The following RYR1 variants were observed in gnomAD, a reference collection of about 807,000 sequenced individuals.
The protein encoded by RYR1 is central core disease of muscle.
Under a neutral mutation model 583.5 loss-of-function variants are expected in RYR1, and 342 were observed. The observed-to-expected ratio is 0.59, with a 90% confidence interval of 0.54 to 0.64. The LOEUF (loss-of-function observed/expected upper bound fraction) is 0.64, where lower values mean the gene tolerates loss of function less well. RYR1 is among the 30% of genes least tolerant of loss of function. The probability of loss-of-function intolerance (pLI) is 0.00; values close to 1 mark genes in which losing one functional copy is unlikely to be tolerated. For synonymous variants in RYR1, 2,791 were observed against 2,822.5 expected (o/e 0.99, Z 0.35); for missense variants, 6,032 against 6,917.2 (o/e 0.87, Z 4.54).
intron 49 of RYR1, among the ~76,000 whole-genome samples, 195 bp from the exon 50 acceptor site, chr19:38,504,025 T>C (rs548236442): frequency 6.6e-6 from 1 of 152,330 alleles, no homozygotes; most frequent in East Asian, 1.9e-4. Context: ...GAATGCTAAA[T>C]TTGCATACTA....
chr19:38,570,580 T>G (rs1330531541), intron 93 of RYR1, 27 bp from the exon 94 acceptor site: 3 of 1,579,590 alleles, frequency 1.9e-6, no homozygotes, highest in Non-Finnish European at 2.6e-6. Flanking sequence ...CTGTGAGCGC[T>G]TTCTCTCTTT....
rs781376720 is a variant in RYR1, at chr19:38,512,153, GCCCACTCCCACCATCATCGGGCC to G, written c.9233+27_9233+49del. The G allele has an allele frequency of 9.2e-5, 148 of 1,614,042 alleles. No homozygotes were observed. In the East Asian group the frequency reaches 1.1e-3, roughly 12 times the overall value. ...GCCAGGTAGGGCCATAGGCAGTGGCGCCCACTCCCACCATCATCGGGCCCCCACCCCAACCCCTGGTCTCCTAG... is the reference window on the plus strand; with the variant it reads ...GCCAGGTAGGGCCATAGGCAGTGGCGCCCACCCCAACCCCTGGTCTCCTAG... On this transcript the variant is annotated intron_variant, in intron 62 of 105. Transcript: ENST00000359596. This position sits in a 1 kb window ranked among gnomAD's most constrained non-coding sequence, Gnocchi z 5.1.
intron 97 of RYR1, among the ~76,000 whole-genome samples, chr19:38,577,310 T>C (rs985592065): frequency 1.3e-5 from 2 of 152,160 alleles, no homozygotes; most frequent in African/African-American, 4.8e-5. Flanking sequence ...ATCTGGCATA[T>C]AGGAGAACAC....
intron 1 of RYR1, among the ~76,000 whole-genome samples, chr19:38,434,372 CT>C (rs1398971215): frequency 1.3e-5 from 2 of 152,070 alleles, no homozygotes; most frequent in Admixed American, 1.3e-4. Context: ...GGAGGGATCT[CT>C]TGGGTTCTGG....
At chr19:38,446,111 C>T (rs1029780095) in intron 7 of RYR1, among the ~76,000 whole-genome samples, 3 of 152,168 alleles carry the variant, frequency 2.0e-5, no homozygotes, top group African/African-American at 7.2e-5. Flanking sequence ...CCCTAGAACT[C>T]AGACTCCAAC....
At chr19:38,506,700 A>G (rs1221178022) in intron 56 of RYR1, 129 bp from the exon 57 acceptor site, 17 of 1,509,170 alleles carry the variant, frequency 1.1e-5, no homozygotes, top group Non-Finnish European at 1.5e-5. Context: ...AGCACCAGCA[A>G]GCAATGTTTC....
intron 99 of RYR1, 85 bp downstream of exon 99, chr19:38,578,289 A>G: frequency 7.1e-7 from 1 of 1,399,490 alleles, no homozygotes; most frequent in Non-Finnish European, 9.9e-7. Flanking sequence ...TCCTGACCAA[A>G]GAATGACTCC....
intron 1 of RYR1, among the ~76,000 whole-genome samples, chr19:38,436,555 C>A (rs993252453): frequency 2.6e-5 from 4 of 152,128 alleles, no homozygotes; most frequent in Non-Finnish European, 1.5e-5. Flanking sequence ...ATCCATGTAG[C>A]ATGTATTGAG....
chr19:38,504,444 T>A, intron 50 of RYR1, 84 bp downstream of exon 50: 1 of 1,539,380 alleles, frequency 6.5e-7, no homozygotes, highest in Non-Finnish European at 8.8e-7. Context: ...ATCCCTCAAT[T>A]TTGGGGGGTT....
At chr19:38,574,151 T>G (rs532885680) in intron 96 of RYR1, among the ~76,000 whole-genome samples, 327 of 151,168 alleles carry the variant, frequency 2.2e-3, no homozygotes, top group Non-Finnish European at 3.9e-3. Context: ...TCCTAGCTAC[T>G]CCGGAGGCTG....
rs1035769185 is a variant in RYR1 at position 38,444,917 on chromosome 19, C to T, written c.631+240C>T. ...AACTTAGACCCCAAAGTATTAGCCC[C>T]CAAGGCTCCTAAACTCAGATTCAAA... On this transcript the variant is annotated intron_variant, in intron 7 of 105. Transcript: ENST00000359596. The surrounding 1 kb of genome is among the most constrained non-coding windows in gnomAD (Gnocchi z 5.1). Among the ~76,000 whole-genome samples the T allele has an allele frequency of 6.6e-6, 1 of 151,722 alleles. No homozygotes were observed. The highest frequency in any genetic ancestry group is 6.6e-5 in the Admixed American group (1 of 15,228).
Position 38,561,136 on chromosome 19 carries a change from C to T in RYR1, c.12306C>T (p.Phe4102=), listed in dbSNP as rs1274175194. ...AGGCCATGGACAGCCAGAAGCAGTT[C>T]AGCGGTCCAGAAATCCAGTTCCTGC... ...FQKAMDSQKQ[F]SGPEIQFLLS... The change falls in exon 90 of 106, where the codon TTC becomes TTT. Residue 4102 remains phenylalanine, a synonymous_variant. Transcript: ENST00000359596. This position sits in a 1 kb window ranked among gnomAD's most constrained non-coding sequence, Gnocchi z 4.8. The T allele has an allele frequency of 6.2e-7, 1 of 1,613,990 alleles. No individual in the cohort carries two copies. The highest frequency in any genetic ancestry group is 8.5e-7 in the Non-Finnish European group (1 of 1,180,026).
At chr19:38,547,718 C>CTT (rs34547615) in intron 88 of RYR1, among the ~76,000 whole-genome samples, 143 of 142,124 alleles carry the variant, frequency 1.0e-3, no homozygotes, top group East Asian at 3.3e-3. Context: ...TCATCATTAT[C>CTT]TTTTTTTTTT....
At chr19:38,517,234 G>C in intron 65 of RYR1, 125 bp from the exon 66 acceptor site, 2 of 986,136 alleles carry the variant, frequency 2.0e-6, no homozygotes, top group South Asian at 2.8e-5. Flanking sequence ...GGGAAGAATA[G>C]GGTTTGGGAG....
At position 38,586,196 on chromosome 19, in the gene RYR1, G is replaced by A; in HGVS notation, c.14969+5G>A. The A allele has an allele frequency of 6.2e-7, 1 of 1,613,024 alleles. No individual in the cohort carries two copies. The highest frequency in any genetic ancestry group is 8.5e-7 in the Non-Finnish European group (1 of 1,179,536). ...GCACAACCTGGCCAATTACATGTGA[G>A]CAGACACACTGGCCAGTCAGGAGGG... On this transcript the variant is annotated splice_donor_5th_base_variant and intron_variant, in intron 104 of 105. Transcript: ENST00000359596.
At position 38,444,489 on chromosome 19, in the gene RYR1, T is replaced by C; in HGVS notation, c.538-95T>C. Reference sequence around the variant, plus strand: ...ATGACTCTGTCTCCCATCTGCCGGTTTCCGGGTATCCACCCTTGATTTCTG... The same window carrying C: ...ATGACTCTGTCTCCCATCTGCCGGTCTCCGGGTATCCACCCTTGATTTCTG... On this transcript the variant is annotated intron_variant, in intron 6 of 105. Coordinates refer to ENST00000359596, the MANE Select transcript of RYR1 (RefSeq NM_000540.3). The surrounding 1 kb of genome is among the most constrained non-coding windows in gnomAD (Gnocchi z 5.1). The C allele has an allele frequency of 9.1e-7, 1 of 1,103,610 alleles. No homozygotes were observed. The highest frequency in any genetic ancestry group is 1.4e-6 in the Non-Finnish European group (1 of 737,400). The allele number at this position is 1,103,610 out of a possible 1,614,324, so 68.4% of individuals were successfully genotyped here.
intron 76 of RYR1, among the ~76,000 whole-genome samples, 190 bp from the exon 77 acceptor site, chr19:38,532,300 T>C (rs1238665353): frequency 6.6e-6 from 1 of 152,006 alleles, no homozygotes; most frequent in East Asian, 1.9e-4. Context: ...TTTTTGTACT[T>C]TTAGTAGAGA....
intron 67 of RYR1, among the ~76,000 whole-genome samples, chr19:38,521,875 T>C (rs1209363046): frequency 4.6e-5 from 7 of 151,528 alleles, no homozygotes; most frequent in African/African-American, 1.7e-4. Flanking sequence ...CCCGGCTAAT[T>C]TTTTTGTATT....
chr19:38,507,121 G>A (rs1970494779), intron 57 of RYR1, among the ~76,000 whole-genome samples, 169 bp downstream of exon 57: 1 of 149,910 alleles, frequency 6.7e-6, no homozygotes, highest in South Asian at 2.1e-4. Flanking sequence ...CAGAGGCGGG[G>A]CCAGATGGGG....
Sources: allele counts gnomAD v4.1 joint callset (sites outside exome capture counted in the v4.1 genomes callset), GRCh38; gene constraint gnomAD v4.1.1; non-coding constraint Gnocchi (gnomAD v3.1); transcripts MANE v1.5; gene names NCBI Gene and HGNC (gene_info 2026-07-23, HGNC 2026-07-21).